DOCK1: variants seen among roughly 807,000 people sequenced by gnomAD.
DOCK1 encodes dedicator of cytokinesis protein 1.
A neutral mutation model predicts 262.7 loss-of-function variants in DOCK1; 138 were observed. The ratio of observed to expected loss-of-function variants is 0.53; its 90% CI spans 0.46 to 0.61. The LOEUF is 0.61. Among genes scored for constraint, DOCK1 ranks in the 20% least tolerant of loss-of-function variants. The pLI, the probability that DOCK1 is intolerant of heterozygous loss-of-function variation, is 0.00. For missense variants in DOCK1, 1,908 were observed against 2,370.7 expected, an observed-to-expected ratio of 0.80 and a Z score of 4.05; for synonymous variants, 866 against 867.4, an observed-to-expected ratio of 1.00 and a Z score of 0.03.
intron 27 of DOCK1, among the ~76,000 whole-genome samples, chr10:127,139,850 A>C (rs1008441673): frequency 6.6e-6 from 1 of 152,224 alleles, no homozygotes; most frequent in Non-Finnish European, 1.5e-5. Flanking sequence ...CTAAACTGTA[A>C]GATGCAATTT....
At chr10:127,410,347 A>C (rs1418508174) in intron 42 of DOCK1, among the ~76,000 whole-genome samples, 1 of 152,122 alleles carries the variant, frequency 6.6e-6, no homozygotes, top group African/African-American at 2.4e-5. Flanking sequence ...GCAGGGGAGA[A>C]ATCAGTCTCA....
At chr10:127,270,128 G>T (rs1185498236) in intron 29 of DOCK1, among the ~76,000 whole-genome samples, 3 of 152,196 alleles carry the variant, frequency 2.0e-5, no homozygotes, top group Non-Finnish European at 4.4e-5. Context: ...CTCTCCTGTG[G>T]CAGGGGTGTC....
chr10:127,329,995 G>T (rs2062907289), intron 29 of DOCK1, among the ~76,000 whole-genome samples: 1 of 152,142 alleles, frequency 6.6e-6, no homozygotes, highest in South Asian at 2.1e-4. Flanking sequence ...GCTCTTAGTG[G>T]CTAATTGTCT....
At chr10:127,354,974 A>G (rs1047737905) in intron 32 of DOCK1, among the ~76,000 whole-genome samples, 8 of 152,224 alleles carry the variant, frequency 5.3e-5, no homozygotes, top group Non-Finnish European at 1.0e-4. Context: ...TGTTGTGTGG[A>G]CACGTGGCTT....
intron 29 of DOCK1, among the ~76,000 whole-genome samples, chr10:127,264,048 G>A (rs1052410820): frequency 3.3e-5 from 5 of 152,174 alleles, no homozygotes; most frequent in Non-Finnish European, 5.9e-5. Flanking sequence ...ACAACATGTG[G>A]TGGGTGAGAG....
At chr10:127,021,756 T>C (rs2042440427) in intron 13 of DOCK1, among the ~76,000 whole-genome samples, 1 of 152,096 alleles carries the variant, frequency 6.6e-6, no homozygotes, top group South Asian at 2.1e-4. Context: ...ACTGGGATTA[T>C]GATGATAATG....
intron 16 of DOCK1, among the ~76,000 whole-genome samples, chr10:127,027,612 CATT>C (rs1554867790): frequency 1.1e-4 from 1 of 8,788 alleles, no homozygotes; most frequent in African/African-American, 9.4e-4. Flanking sequence ...ACAAAAAAAA[CATT>C]AAACCTTCCT....
intron 1 of DOCK1, among the ~76,000 whole-genome samples, chr10:126,940,693 T>C (rs2034918140): frequency 6.6e-6 from 1 of 152,178 alleles, no homozygotes; most frequent in Non-Finnish European, 1.5e-5. Flanking sequence ...CGTGAGCCAC[T>C]GCGCCTGGCC....
chr10:127,221,462 C>T (rs1162695631), intron 27 of DOCK1, among the ~76,000 whole-genome samples: 1 of 152,184 alleles, frequency 6.6e-6, no homozygotes, highest in Non-Finnish European at 1.5e-5. Flanking sequence ...TGGAGGGCCT[C>T]TCCAGGTGAG....
intron 1 of DOCK1, among the ~76,000 whole-genome samples, chr10:126,929,150 G>GGGCT (rs2033994575): frequency 6.6e-6 from 1 of 152,210 alleles, no homozygotes; most frequent in Non-Finnish European, 1.5e-5. Context: ...AGCCTCTTAT[G>GGGCT]GGCTACATTC....
intron 21 of DOCK1, among the ~76,000 whole-genome samples, chr10:127,052,237 G>A (rs2044771841): frequency 6.6e-6 from 1 of 152,300 alleles, no homozygotes; most frequent in South Asian, 2.1e-4. Context: ...ATTAGAAAAC[G>A]TTTTACAGGC....
intron 27 of DOCK1, among the ~76,000 whole-genome samples, chr10:127,147,190 T>C (rs1325112110): frequency 6.6e-6 from 1 of 152,206 alleles, no homozygotes; most frequent in Non-Finnish European, 1.5e-5. Flanking sequence ...AGCTTCCTAC[T>C]TGAGAAGCCG....
At chr10:127,358,882 C>T (rs769344050) in intron 32 of DOCK1, among the ~76,000 whole-genome samples, 29 of 152,174 alleles carry the variant, frequency 1.9e-4, no homozygotes, top group Non-Finnish European at 3.8e-4. Context: ...GAGGCCTTGG[C>T]TTCGTGAGAA....
At position 126,999,372 on chromosome 10, in the gene DOCK1, C is replaced by A. The variant is rs1164317212; in HGVS notation, c.786C>A (p.Arg262=). ...SKFISENYLV[R]WSSSGLPKDI... ...TTTCAAGTGAGAACTACCTGGTTCG[C>A]TGGTCCAGTTCAGGATTACCTAAAG... The change falls in exon 9 of 52, where the codon CGC becomes CGA. Residue 262 remains arginine, a synonymous_variant. Coordinates refer to ENST00000623213, the MANE Select transcript of DOCK1 (RefSeq NM_001290223.2). 2 of 1,613,278 alleles carry A rather than the reference C, an allele frequency of 1.2e-6. No individual in the cohort carries two copies. Among genetic ancestry groups the A allele is most frequent in the African/African-American group, 1.3e-5 (1 of 74,894 alleles).
intron 19 of DOCK1, among the ~76,000 whole-genome samples, chr10:127,042,201 G>C (rs1407520813): frequency 6.6e-6 from 1 of 152,192 alleles, no homozygotes; most frequent in Non-Finnish European, 1.5e-5. Flanking sequence ...GTTGGTAGAA[G>C]GTCCTTCCTT....
chr10:127,038,037 C>T (rs2043766999), intron 19 of DOCK1, among the ~76,000 whole-genome samples: 1 of 151,896 alleles, frequency 6.6e-6, no homozygotes, highest in East Asian at 1.9e-4. Flanking sequence ...AGTTCAAGAC[C>T]ACCCTGACCA....
intron 25 of DOCK1, among the ~76,000 whole-genome samples, chr10:127,118,948 G>C (rs2049358545): frequency 6.6e-6 from 1 of 152,132 alleles, no homozygotes; most frequent in Admixed American, 6.5e-5. Flanking sequence ...TGAAAAATTT[G>C]CTTTGCGTCT....
At position 127,387,447 on chromosome 10, in the gene DOCK1, G is replaced by A. The variant is rs116092292; in HGVS notation, c.3927+2538G>A. ...CTGTTACTTTGTGGTAGAGGACCACGCGTGCATGGTGGACTCAAGGAATGT... is the reference window on the plus strand; with the variant it reads ...CTGTTACTTTGTGGTAGAGGACCACACGTGCATGGTGGACTCAAGGAATGT... On this transcript the variant is annotated intron_variant, in intron 38 of 51. Coordinates refer to ENST00000623213, the MANE Select transcript of DOCK1 (RefSeq NM_001290223.2). Among the ~76,000 whole-genome samples the A allele has an allele frequency of 3.5e-3, 529 of 152,310 alleles. 5 individuals carry two copies. Among genetic ancestry groups the A allele is most frequent in the African/African-American group, 0.012 (490 of 41,570 alleles).
intron 29 of DOCK1, among the ~76,000 whole-genome samples, chr10:127,294,976 T>C (rs2061459689): frequency 6.6e-6 from 1 of 152,138 alleles, no homozygotes; most frequent in Admixed American, 6.5e-5. Context: ...ATAGCACATA[T>C]AGAATTATTA....
Sources: gnomAD v4.1 joint callset for allele counts (sites outside exome capture counted in the v4.1 genomes callset) on GRCh38, gnomAD v4.1.1 for gene constraint, MANE v1.5 for transcripts, NCBI Gene and HGNC (gene_info 2026-07-23, HGNC 2026-07-21) for gene names.